EPHA7: variants seen among roughly 807,000 people sequenced by gnomAD.
The protein encoded by EPHA7 is EPH receptor A7.
In EPHA7, 25 loss-of-function variants were observed where a neutral mutation model predicts 112.6. That is an observed-to-expected ratio of 0.22 (90% CI 0.16 to 0.31). The LOEUF is 0.31. EPHA7 is among the 10% of genes least tolerant of loss of function. The pLI is 1.00. For missense variants in EPHA7, 962 were observed against 1,212.6 expected, an observed-to-expected ratio of 0.79 and a Z score of 3.07; for synonymous variants, 437 against 406.5, an observed-to-expected ratio of 1.07 and a Z score of -0.90.
At chr6:93,305,334 AAAGT>A (rs1209782131) in intron 5 of EPHA7, among the ~76,000 whole-genome samples, 5 of 151,992 alleles carry the variant, frequency 3.3e-5, no homozygotes, top group Admixed American at 6.6e-5. Flanking sequence ...CCAAAAAAAA[AAAGT>A]AAGAGGCTGA....
intron 5 of EPHA7, among the ~76,000 whole-genome samples, chr6:93,336,583 A>G (rs903034617): frequency 6.6e-6 from 1 of 151,846 alleles, no homozygotes; most frequent in Non-Finnish European, 1.5e-5. Context: ...TTTTATTTTT[A>G]GTAGAGACGG....
chr6:93,405,494 G>A (rs924349896), intron 3 of EPHA7, among the ~76,000 whole-genome samples: 3 of 151,516 alleles, frequency 2.0e-5, no homozygotes, highest in African/African-American at 7.3e-5. Flanking sequence ...ATCACCATGA[G>A]GTTTCTTTAC....
At chr6:93,271,854 A>T (rs1330620479) in intron 6 of EPHA7, among the ~76,000 whole-genome samples, 2 of 151,844 alleles carry the variant, frequency 1.3e-5, no homozygotes, top group Non-Finnish European at 2.9e-5. Flanking sequence ...TTATTATACA[A>T]AATATTCTTA....
intron 5 of EPHA7, among the ~76,000 whole-genome samples, chr6:93,328,480 G>A (rs1774432626): frequency 6.6e-6 from 1 of 151,336 alleles, no homozygotes; most frequent in Non-Finnish European, 1.5e-5. Context: ...CATTTCACTG[G>A]TGACTTTTCA....
At chr6:93,365,596 C>T (rs1776467208) in intron 3 of EPHA7, among the ~76,000 whole-genome samples, 1 of 152,066 alleles carries the variant, frequency 6.6e-6, no homozygotes, top group African/African-American at 2.4e-5. Context: ...CAAAAGTCTG[C>T]CTAAAATACA....
chr6:93,371,711 A>G (rs1308922815), intron 3 of EPHA7, among the ~76,000 whole-genome samples: 2 of 152,214 alleles, frequency 1.3e-5, no homozygotes, highest in African/African-American at 4.8e-5. Context: ...GAATATAATG[A>G]TTGATTCTAC....
rs574699250 is a variant in EPHA7, at chr6:93,252,695, TAAG to T, written c.2532+1949_2532+1951del. On this transcript the variant is annotated intron_variant, in intron 14 of 16. Transcript: ENST00000369303. ...TTATAAAATAATGAATATTATCTAA[TAAG>T]AAGAATATGAATATCAATTTCACTG... Among the ~76,000 whole-genome samples, 21 of 152,132 alleles carry T rather than the reference TAAG, an allele frequency of 1.4e-4. No individual in the cohort carries two copies. In the South Asian group the frequency reaches 2.3e-3, roughly 17 times the overall value.
intron 5 of EPHA7, among the ~76,000 whole-genome samples, chr6:93,288,842 A>T (rs986590827): frequency 1.3e-5 from 2 of 152,188 alleles, no homozygotes; most frequent in African/African-American, 4.8e-5. Context: ...TGGAATTAGC[A>T]AATATCTTTT....
rs140807253 is a variant in EPHA7, at chr6:93,398,342, A to C, written c.832+12159T>G. ...GAGAGTGGTAATTCTGGAATTATAC[A>C]AGTCACCGTCCAAATGTTACAAAAG... is the stretch of plus-strand genomic sequence containing the variant. On this transcript the variant is annotated intron_variant, in intron 3 of 16. Transcript: ENST00000369303. Among the ~76,000 whole-genome samples, 24 of 152,088 alleles carry C rather than the reference A, an allele frequency of 1.6e-4. No individual in the cohort carries two copies. In the East Asian group the frequency reaches 3.1e-3, roughly 20 times the overall value.
At chr6:93,255,189 CA>C (rs11478248) in intron 13 of EPHA7, among the ~76,000 whole-genome samples, 82,130 of 151,326 alleles carry the variant, frequency 0.54, 23,047 homozygotes, top group South Asian at 0.78. Flanking sequence ...ACTAAAAATA[CA>C]AAAAAAAATT....
intron 5 of EPHA7, among the ~76,000 whole-genome samples, chr6:93,339,848 C>T (rs1044977565): frequency 1.3e-5 from 2 of 151,586 alleles, no homozygotes; most frequent in African/African-American, 4.8e-5. Flanking sequence ...TTCTGGTTAA[C>T]AAATCATTCC....
intron 5 of EPHA7, among the ~76,000 whole-genome samples, chr6:93,308,427 A>G (rs1160820152): frequency 6.6e-6 from 1 of 152,074 alleles, no homozygotes; most frequent in Non-Finnish European, 1.5e-5. Flanking sequence ...TCTAAAAGCC[A>G]TTAGGAATGA....
At chr6:93,408,136 A>C (rs982986522) in intron 3 of EPHA7, among the ~76,000 whole-genome samples, 1 of 152,018 alleles carries the variant, frequency 6.6e-6, no homozygotes, top group Non-Finnish European at 1.5e-5. Flanking sequence ...ATCTTTTCTC[A>C]GATAAATTTA....
intron 3 of EPHA7, among the ~76,000 whole-genome samples, chr6:93,401,580 G>A (rs1778441307): frequency 1.3e-5 from 2 of 152,000 alleles, no homozygotes; most frequent in Admixed American, 1.3e-4. Flanking sequence ...TCTAAATTGA[G>A]TTGTTTTACT....
intron 5 of EPHA7, among the ~76,000 whole-genome samples, chr6:93,278,726 G>T (rs1225983075): frequency 1.3e-5 from 2 of 150,664 alleles, no homozygotes; most frequent in East Asian, 1.9e-4. Context: ...TGTTGTTGTT[G>T]TGTGTGTGTG....
intron 5 of EPHA7, among the ~76,000 whole-genome samples, chr6:93,297,006 T>G (rs2127844326): frequency 6.6e-6 from 1 of 152,026 alleles, no homozygotes; most frequent in South Asian, 2.1e-4. Flanking sequence ...TTAATTTGCT[T>G]CACTATAGTA....
At chr6:93,389,265 T>C (rs982963201) in intron 3 of EPHA7, among the ~76,000 whole-genome samples, 1 of 152,254 alleles carries the variant, frequency 6.6e-6, no homozygotes, top group Non-Finnish European at 1.5e-5. Context: ...GCATATTTAT[T>C]GTCCATTTTC....
chr6:93,273,888 C>T (rs1771348211), intron 5 of EPHA7, among the ~76,000 whole-genome samples: 1 of 151,912 alleles, frequency 6.6e-6, no homozygotes, highest in Non-Finnish European at 1.5e-5. Context: ...CTTCCTTAGG[C>T]CATGGCCTTA....
At chr6:93,417,365 C>A (rs956538325) in intron 1 of EPHA7, among the ~76,000 whole-genome samples, 54 of 152,106 alleles carry the variant, frequency 3.6e-4, no homozygotes, top group African/African-American at 1.3e-3. Context: ...GCCCTAGAGG[C>A]GTCGCCGCCT....
Sources: gnomAD v4.1 joint callset for allele counts (sites outside exome capture counted in the v4.1 genomes callset) on GRCh38, gnomAD v4.1.1 for gene constraint, MANE v1.5 for transcripts, NCBI Gene and HGNC (gene_info 2026-07-23, HGNC 2026-07-21) for gene names.